Variants in MAP4 observed in about 807,000 individuals in gnomAD.
MAP4 encodes microtubule associated protein 4.
Under a neutral mutation model 170.2 loss-of-function variants are expected in MAP4, and 76 were observed. The ratio of observed to expected loss-of-function variants is 0.45; its 90% CI spans 0.37 to 0.54. The LOEUF (loss-of-function observed/expected upper bound fraction) is 0.54, where lower values mean the gene tolerates loss of function less well. Among genes scored for constraint, MAP4 ranks in the 20% least tolerant of loss-of-function variants. The pLI is 0.00. For missense variants in MAP4, 2,506 were observed against 2,748.0 expected (o/e 0.91, Z 1.97); for synonymous variants, 909 against 994.5 (o/e 0.91, Z 1.62).
chr3:47,931,016 C>T (rs766235272), intron 3 of MAP4, among the ~76,000 whole-genome samples: 2 of 151,806 alleles, frequency 1.3e-5, no homozygotes, highest in African/African-American at 4.8e-5. Flanking sequence ...ATGAATGAAG[C>T]TCATCAGTCC....
In MAP4 at chr3:47,915,911, C is replaced by A. The variant is rs2100038500; in HGVS notation, c.1876+40G>T. On this transcript the variant is annotated intron_variant, in intron 7 of 20. Coordinates refer to ENST00000683076, the MANE Select transcript of MAP4 (RefSeq NM_001385682.1). ...TCCTTAGTCTTCTCGAGACTACAAC[C>A]TGGTAGAGAGAAATACTGAGAATAA... is the stretch of plus-strand genomic sequence containing the variant. 8 of 1,568,112 alleles carry A rather than the reference C, an allele frequency of 5.1e-6. No homozygotes were observed. The East Asian group carries it at 1.8e-4, about 35-fold the overall frequency.
chr3:47,919,947 C>A (rs970545942), intron 5 of MAP4, among the ~76,000 whole-genome samples: 3 of 151,384 alleles, frequency 2.0e-5, no homozygotes, highest in Non-Finnish European at 2.9e-5. Context: ...GTTGTTTGCC[C>A]AGCTAATTTT....
rs572100293 is a variant in MAP4, at chr3:48,085,522, A to G, written c.-20+3251T>C. Among the ~76,000 whole-genome samples the G allele has an allele frequency of 1.0e-3, 158 of 152,382 alleles. 1 individual carries two copies. The highest frequency in any genetic ancestry group is 3.5e-3 in the South Asian group (17 of 4,830). Reference sequence around the variant, plus strand: ...ACAAATATTTGAAGAGACTACTTAAAAAACAAGTGAGACAGAGTAGGAAAA... The same window carrying G: ...ACAAATATTTGAAGAGACTACTTAAGAAACAAGTGAGACAGAGTAGGAAAA... On this transcript the variant is annotated intron_variant, in intron 1 of 18. Coordinates refer to the MAP4 transcript ENST00000360240.
At chr3:47,895,363 T>TTCA (rs2153181184) in intron 10 of MAP4, among the ~76,000 whole-genome samples, 1 of 152,348 alleles carries the variant, frequency 6.6e-6, no homozygotes, top group Admixed American at 6.5e-5. Flanking sequence ...TTTTACCACT[T>TTCA]TCACTTCTGA....
At chr3:47,863,936 G>A (rs1488885074) in intron 17 of MAP4, among the ~76,000 whole-genome samples, 2 of 138,484 alleles carry the variant, frequency 1.4e-5, no homozygotes, top group Non-Finnish European at 3.1e-5. Flanking sequence ...GTGTGTGTGT[G>A]TGGGGAGTGG....
chr3:47,934,959 G>A (rs1310041542), intron 3 of MAP4, among the ~76,000 whole-genome samples: 1 of 152,176 alleles, frequency 6.6e-6, no homozygotes, highest in African/African-American at 2.4e-5. Flanking sequence ...CGAAAACACA[G>A]AAGCAAGTAT....
intron 18 of MAP4, 131 bp downstream of exon 18, chr3:47,857,300 T>C (rs1030784399): frequency 4.3e-6 from 3 of 699,998 alleles, no homozygotes; most frequent in Non-Finnish European, 7.6e-6. Flanking sequence ...AGGACTGTGG[T>C]GTCCTGGGTA....
intron 10 of MAP4, chr3:47,890,970 G>A: frequency 2.2e-6 from 3 of 1,378,660 alleles, no homozygotes; most frequent in Non-Finnish European, 2.9e-6. Flanking sequence ...TGTCACTTTG[G>A]TTCCTTCCTT....
chr3:47,897,331 T>G (rs1380566814), intron 10 of MAP4, among the ~76,000 whole-genome samples: 1 of 152,114 alleles, frequency 6.6e-6, no homozygotes, highest in Non-Finnish European at 1.5e-5. Context: ...TTCACGATGT[T>G]GGCCAGGCTG....
intron 2 of MAP4, among the ~76,000 whole-genome samples, chr3:47,997,909 T>C (rs2100096835): frequency 6.6e-6 from 1 of 152,198 alleles, no homozygotes; most frequent in South Asian, 2.1e-4. Flanking sequence ...CTGGAATAGT[T>C]CTATGATCTC....
chr3:47,891,486 G>C (rs1362911763), intron 10 of MAP4: 27 of 1,517,298 alleles, frequency 1.8e-5, no homozygotes, highest in Admixed American at 2.0e-5. Flanking sequence ...GGGCTACTAG[G>C]GGGAGGCAGC....
At chr3:47,872,986 G>A (rs75524740) in intron 12 of MAP4, among the ~76,000 whole-genome samples, 2,006 of 152,312 alleles carry the variant, frequency 0.013, 48 homozygotes, top group African/African-American at 0.046. Context: ...GGACAGAAGC[G>A]TGAGCTGTAG....
chr3:48,064,440 C>A (rs1266796942), intron 1 of MAP4, among the ~76,000 whole-genome samples: 1 of 152,060 alleles, frequency 6.6e-6, no homozygotes, highest in South Asian at 2.1e-4. Flanking sequence ...CTCACTGGTC[C>A]CCTACCCACA....
At chr3:48,060,197 T>C (rs1359695825) in intron 1 of MAP4, among the ~76,000 whole-genome samples, 1 of 152,178 alleles carries the variant, frequency 6.6e-6, no homozygotes, top group African/African-American at 2.4e-5. Flanking sequence ...CATATTTCCT[T>C]TGGACAAGGC....
intron 1 of MAP4, among the ~76,000 whole-genome samples, chr3:48,084,577 T>C (rs899417128): frequency 4.8e-5 from 7 of 146,052 alleles, no homozygotes; most frequent in African/African-American, 5.0e-5. Flanking sequence ...TATTACCCCT[T>C]TTTTTTTTTT....
At chr3:47,906,484 G>A (rs1236478182) in intron 9 of MAP4, among the ~76,000 whole-genome samples, 2 of 152,068 alleles carry the variant, frequency 1.3e-5, no homozygotes, top group African/African-American at 2.4e-5. Flanking sequence ...GGGAGTTTGA[G>A]ATCAGCCTGA....
intron 17 of MAP4, among the ~76,000 whole-genome samples, chr3:47,864,874 C>T (rs766700388): frequency 7.2e-5 from 11 of 151,878 alleles, no homozygotes; most frequent in Non-Finnish European, 1.3e-4. Flanking sequence ...TTTGTAGAGA[C>T]GGGGGTCTTA....
chr3:48,044,841 C>T (rs547673435), intron 1 of MAP4, among the ~76,000 whole-genome samples: 11 of 151,320 alleles, frequency 7.3e-5, no homozygotes, highest in African/African-American at 2.4e-4. Context: ...CCCAGCTACT[C>T]GGGAGGCTGA....
chr3:48,074,725 T>TGTGTGTGTGTGTGTGTGTGTGTGTGG (rs756153345), intron 1 of MAP4, among the ~76,000 whole-genome samples: 2 of 147,336 alleles, frequency 1.4e-5, no homozygotes, highest in East Asian at 2.0e-4. Context: ...TGTGTGTGTG[T>TGTGTGTGTGTGTGTGTGTGTGTGTGG]GATATGTCGG....
Sources: gnomAD v4.1 joint callset for allele counts (sites outside exome capture counted in the v4.1 genomes callset) on GRCh38, gnomAD v4.1.1 for gene constraint, MANE v1.5 for transcripts, NCBI Gene and HGNC (gene_info 2026-07-23, HGNC 2026-07-21) for gene names.